The following THSD4 variants were observed in gnomAD, a reference collection of about 807,000 sequenced individuals.
The protein encoded by THSD4 is thrombospondin type-1 domain-containing protein 4.
THSD4 carries 69 observed loss-of-function variants against 119.0 expected under a neutral mutation model. The observed-to-expected ratio is 0.58, with a 90% CI of 0.48 to 0.71. THSD4 has a LOEUF of 0.71. THSD4 is among the 30% of genes least tolerant of loss of function. THSD4 has a pLI of 0.00. For missense variants in THSD4, 1,393 were observed against 1,391.1 expected, an observed-to-expected ratio of 1.00 and a Z score of -0.02; for synonymous variants, 524 against 540.4, an observed-to-expected ratio of 0.97 and a Z score of 0.42.
intron 7 of THSD4, among the ~76,000 whole-genome samples, chr15:71,556,133 C>T (rs1209813897): frequency 1.3e-5 from 2 of 152,052 alleles, no homozygotes; most frequent in African/African-American, 4.8e-5. Context: ...TTTGCTCTTC[C>T]TTATGAAATT....
At chr15:71,739,834 T>G (rs2053201377) in intron 11 of THSD4, among the ~76,000 whole-genome samples, 1 of 151,794 alleles carries the variant, frequency 6.6e-6, no homozygotes, top group South Asian at 2.1e-4. Flanking sequence ...GCTTTGCTTT[T>G]TTTTTTTCTT....
chr15:71,271,152 TAA>T (rs3086645), intron 6 of THSD4, among the ~76,000 whole-genome samples: 54,188 of 151,656 alleles, frequency 0.36, 10,523 homozygotes, highest in Middle Eastern at 0.55. Context: ...CGTTTTGCCA[TAA>T]AAAAAAATTT....
rs1469959575 is a variant in THSD4, at chr15:71,727,575, T to C, written c.1358-974T>C. Among the ~76,000 whole-genome samples, 349 of 37,030 alleles carry C rather than the reference T, an allele frequency of 9.4e-3. 2 individuals are homozygous for C. Among genetic ancestry groups the C allele is most frequent in the African/African-American group, 0.026 (322 of 12,318 alleles). The allele number at this position is 37,030 out of a possible 152,430, so 24.3% of individuals were successfully genotyped here. On this transcript the variant is annotated intron_variant, in intron 8 of 17. Transcript: ENST00000261862. ...AAAAATATATATATATATATATATA[T>C]ATATATATATATACACACACACACA...
chr15:71,235,431 G>A (rs2044095528), intron 4 of THSD4, among the ~76,000 whole-genome samples: 1 of 152,078 alleles, frequency 6.6e-6, no homozygotes, highest in Admixed American at 6.6e-5. Flanking sequence ...AATCTAGTAC[G>A]GGGACTTAGA....
chr15:71,328,562 C>T (rs1448931630), intron 6 of THSD4, among the ~76,000 whole-genome samples: 1 of 152,208 alleles, frequency 6.6e-6, no homozygotes, highest in Non-Finnish European at 1.5e-5. Flanking sequence ...GTGAATCAAA[C>T]TGATAATGCC....
chr15:71,223,892 G>C (rs1360579709), intron 4 of THSD4, among the ~76,000 whole-genome samples: 1 of 152,084 alleles, frequency 6.6e-6, no homozygotes, highest in African/African-American at 2.4e-5. Context: ...GCTGGGAAAG[G>C]CTTGGTGTGG....
At chr15:71,327,409 C>A (rs1315200104) in intron 6 of THSD4, among the ~76,000 whole-genome samples, 1 of 152,156 alleles carries the variant, frequency 6.6e-6, no homozygotes, top group Non-Finnish European at 1.5e-5. Context: ...TGACCTGACC[C>A]ACCTAGAACT....
At chr15:71,201,079 A>G (rs1233257716) in intron 3 of THSD4, among the ~76,000 whole-genome samples, 3 of 152,192 alleles carry the variant, frequency 2.0e-5, no homozygotes, top group Admixed American at 6.5e-5. Context: ...GCCGACTTCC[A>G]TTAAAGTCAA....
intron 7 of THSD4, among the ~76,000 whole-genome samples, chr15:71,463,756 T>G (rs895442178): frequency 7.9e-5 from 12 of 152,230 alleles, no homozygotes; most frequent in African/African-American, 2.7e-4. Context: ...TTATCCTGAT[T>G]AGACTCCAAT....
chr15:71,300,007 C>T (rs552824585), intron 6 of THSD4, among the ~76,000 whole-genome samples: 2 of 139,758 alleles, frequency 1.4e-5, no homozygotes, highest in African/African-American at 5.4e-5. Flanking sequence ...ATATATTAGC[C>T]ATGGGTGGTG....
chr15:71,653,316 A>C (rs2051128484), intron 7 of THSD4, among the ~76,000 whole-genome samples: 1 of 152,234 alleles, frequency 6.6e-6, no homozygotes, highest in African/African-American at 2.4e-5. Flanking sequence ...CTGTTTGTGC[A>C]CTTCTGTGGA....
intron 7 of THSD4, among the ~76,000 whole-genome samples, chr15:71,496,049 C>A (rs113128919): frequency 0.014 from 2,123 of 152,270 alleles, 17 homozygotes; most frequent in Middle Eastern, 0.051. Flanking sequence ...GAAGCTTCTC[C>A]CATAGAGGAA....
intron 11 of THSD4, among the ~76,000 whole-genome samples, chr15:71,744,329 G>A (rs568043702): frequency 5.3e-4 from 80 of 152,134 alleles, no homozygotes; most frequent in Non-Finnish European, 5.9e-4. Flanking sequence ...CATTTATTGA[G>A]CCCCTGCTAC....
chr15:71,754,903 C>T (rs1374633845), intron 14 of THSD4, among the ~76,000 whole-genome samples: 2 of 152,080 alleles, frequency 1.3e-5, no homozygotes, highest in African/African-American at 4.8e-5. Context: ...AGGAAAGGGG[C>T]TGGGGCTTCT....
chr15:71,603,812 G>A (rs2050058454), intron 7 of THSD4, among the ~76,000 whole-genome samples: 2 of 152,306 alleles, frequency 1.3e-5, no homozygotes, highest in African/African-American at 4.8e-5. Context: ...GTTATTGGAA[G>A]GTTCTTCTGG....
Position 71,777,258 on chromosome 15 carries a change from A to G in THSD4, c.2941A>G (p.Asn981Asp), listed in dbSNP as rs2053930871. ...TGAAAACTGCAAGGACAAGTACTAC[A>G]ACTGCAACGTGGTGGTCCAGGCAAG... is the stretch of plus-strand genomic sequence containing the variant. Reference protein sequence around the residue: ...VDENCKDKYYNCNVVVQARLC... With the variant: ...VDENCKDKYYDCNVVVQARLC... Residue 981 changes from asparagine (N) to aspartate (D), a missense_variant, in exon 18 of 18, where the codon AAC becomes GAC. Physicochemically the swap from Asn to Asp is conservative, Grantham distance 23 (BLOSUM62 1). Coordinates refer to ENST00000261862, the MANE Select transcript of THSD4 (RefSeq NM_024817.3). 6.2e-7 allele frequency: 1 copy of G among 1,614,074 alleles called. No homozygotes were observed. Among genetic ancestry groups the G allele is most frequent in the Non-Finnish European group, 8.5e-7 (1 of 1,180,036 alleles).
intron 3 of THSD4, among the ~76,000 whole-genome samples, chr15:71,213,000 G>A (rs2043900168): frequency 6.6e-6 from 1 of 152,182 alleles, no homozygotes. Flanking sequence ...CCAAGTATGA[G>A]CACACTCCAT....
At chr15:71,152,325 G>A (rs1379723313) in intron 2 of THSD4, among the ~76,000 whole-genome samples, 1 of 151,916 alleles carries the variant, frequency 6.6e-6, no homozygotes, top group African/African-American at 2.4e-5. Context: ...GGGAGGCTGA[G>A]GCAAGAGAAT....
At chr15:71,665,915 ATAGTT>A (rs2051408335) in intron 8 of THSD4, among the ~76,000 whole-genome samples, 1 of 152,188 alleles carries the variant, frequency 6.6e-6, no homozygotes, top group African/African-American at 2.4e-5. Context: ...GCCCTGTAGT[ATAGTT>A]TAAAGTCAGG....
Sources: allele counts gnomAD v4.1 joint callset (sites outside exome capture counted in the v4.1 genomes callset), GRCh38; gene constraint gnomAD v4.1.1; transcripts MANE v1.5; gene names NCBI Gene and HGNC (gene_info 2026-07-23, HGNC 2026-07-21).